The following SCN8A variants were observed in gnomAD, a reference collection of about 807,000 sequenced individuals.
SCN8A encodes the protein sodium channel protein type 8 subunit alpha.
SCN8A carries 30 observed loss-of-function variants against 184.1 expected under a neutral mutation model. The ratio of observed to expected loss-of-function variants is 0.16; its 90% CI spans 0.12 to 0.22. The LOEUF (loss-of-function observed/expected upper bound fraction) is 0.22, where lower values mean the gene tolerates loss of function less well. Ranked by LOEUF, SCN8A falls within the 10% of genes least tolerant of loss-of-function variation. The probability of loss-of-function intolerance (pLI) is 1.00; values close to 1 mark genes in which losing one functional copy is unlikely to be tolerated. For synonymous variants in SCN8A, 852 were observed against 907.0 expected, an observed-to-expected ratio of 0.94 and a Z score of 1.09; for missense variants, 1,057 against 2,498.9, an observed-to-expected ratio of 0.42 and a Z score of 12.30.
chr12:51,705,332 C>T (rs1052485542), intron 9 of SCN8A, 85 bp from the exon 10 acceptor site: 2 of 1,273,938 alleles, frequency 1.6e-6, no homozygotes, highest in African/African-American at 1.5e-5. Flanking sequence ...AAATAGTGCC[C>T]TTACAGAGGA....
chr12:51,632,331 A>G (rs527240240), intron 1 of SCN8A, among the ~76,000 whole-genome samples: 1 of 152,348 alleles, frequency 6.6e-6, no homozygotes, highest in East Asian at 1.9e-4. Context: ...AGTTTATAGA[A>G]TAAGTAGTCT....
At chr12:51,756,642 G>A (rs1003649168) in intron 14 of SCN8A, among the ~76,000 whole-genome samples, 2 of 152,206 alleles carry the variant, frequency 1.3e-5, no homozygotes, top group South Asian at 2.1e-4. Flanking sequence ...TGCCCAAAGC[G>A]GATGCCTCTC....
intron 14 of SCN8A, among the ~76,000 whole-genome samples, chr12:51,756,504 A>G (rs1439379663): frequency 2.0e-5 from 3 of 151,934 alleles, no homozygotes; most frequent in African/African-American, 7.3e-5. Context: ...ACCTTACTTA[A>G]GCTCTGACTC....
chr12:51,769,103 A>G lies in SCN8A; in HGVS notation c.3140A>G (p.Asn1047Ser), dbSNP rs762469719. 2.7e-5 allele frequency: 43 copies of G among 1,613,620 alleles called. No individual in the cohort carries two copies. In the East Asian group the frequency reaches 3.8e-4, roughly 14 times the overall value. The change falls in exon 17 of 27, where the codon AAT becomes AGT. Residue 1047 changes from asparagine to serine, a missense_variant. By Grantham distance (46) the Asn-to-Ser change is conservative. This residue lies in a region of SCN8A where 178 missense variants were observed against 259.6 expected (regional missense o/e 0.69). Coordinates refer to ENST00000627620, the MANE Select transcript of SCN8A (RefSeq NM_001330260.2). ...GAAAAGAAGGCCAACTGTATCGCCA[A>G]TCACACCGGTGCAGACATCCACCGG... Reference protein sequence around the residue: ...LYEKKANCIANHTGADIHRNG... With the variant: ...LYEKKANCIASHTGADIHRNG...
At chr12:51,650,828 T>A (rs1266187126) in intron 1 of SCN8A, among the ~76,000 whole-genome samples, 2 of 152,024 alleles carry the variant, frequency 1.3e-5, no homozygotes, top group Admixed American at 6.6e-5. Context: ...CACAGAAATA[T>A]AGAAGTGTGA....
At chr12:51,663,230 A>T in intron 2 of SCN8A, 137 bp downstream of exon 2, 1 of 1,009,632 alleles carries the variant, frequency 9.9e-7, no homozygotes, top group Non-Finnish European at 1.5e-6. Context: ...GCTTGTGGGG[A>T]TTATTTTTCA....
At chr12:51,788,256 A>G (rs1411347328) in intron 22 of SCN8A, among the ~76,000 whole-genome samples, 2 of 133,828 alleles carry the variant, frequency 1.5e-5, no homozygotes, top group South Asian at 2.4e-4. Flanking sequence ...AAATCCAACT[A>G]TGAGTTTTTC....
At chr12:51,609,584 C>A (rs1473476987) in intron 1 of SCN8A, among the ~76,000 whole-genome samples, 3 of 152,060 alleles carry the variant, frequency 2.0e-5, no homozygotes, top group African/African-American at 7.3e-5. Context: ...TTTGTTTTGT[C>A]TGATATAAGA....
At chr12:51,652,372 A>T (rs1940735074) in intron 1 of SCN8A, among the ~76,000 whole-genome samples, 1 of 151,414 alleles carries the variant, frequency 6.6e-6, no homozygotes, top group Non-Finnish European at 1.5e-5. Flanking sequence ...GGTCTTCCTC[A>T]CTCTGATCTT....
In SCN8A at chr12:51,751,615, C is replaced by T. The variant is rs191442852; in HGVS notation, c.2370+22C>T. The T allele has an allele frequency of 3.0e-4, 460 of 1,533,130 alleles. 1 individual carries two copies. The African/African-American group carries it at 5.8e-3, about 19-fold the overall frequency. The allele number at this position is 1,533,130 out of a possible 1,614,324, so 95.0% of individuals were successfully genotyped here. ...TCTGGTAAGATGGAACACTGTCTCC[C>T]GATATTAGGATTGGAATGTGTTTTG... On this transcript the variant is annotated intron_variant, in intron 14 of 26. Transcript: ENST00000627620.
chr12:51,686,649 G>A (rs1023428043), intron 4 of SCN8A, among the ~76,000 whole-genome samples, 192 bp downstream of exon 4: 2 of 152,116 alleles, frequency 1.3e-5, no homozygotes, highest in Non-Finnish European at 2.9e-5. Context: ...AGAAATTACT[G>A]CCCTTCACTC....
Position 51,601,855 on chromosome 12 carries a change from GTTTT to G in SCN8A, c.-55+10518_-55+10521del, listed in dbSNP as rs938674707. On this transcript the variant is annotated intron_variant, in intron 1 of 26. Transcript: ENST00000627620. ...GCCAAGGGTGGTGCTCAGAGAAAGG[GTTTT>G]TTTTTTTTTTTTTTTTTTTTTAAGA... Among the ~76,000 whole-genome samples, 380 of 109,756 alleles carry G rather than the reference GTTTT, an allele frequency of 3.5e-3. 2 individuals carry two copies. The highest frequency in any genetic ancestry group is 0.013 in the African/African-American group (357 of 27,556). 72.0% of individuals were successfully genotyped at this position (109,756 alleles called of 152,430 possible).
intron 25 of SCN8A, among the ~76,000 whole-genome samples, chr12:51,791,585 G>A (rs574807267): frequency 6.6e-6 from 1 of 152,220 alleles, no homozygotes; most frequent in East Asian, 1.9e-4. Context: ...GGGACTAAAG[G>A]GAATAGAAAA....
At chr12:51,591,548 C>T (rs1444481592) in intron 1 of SCN8A, among the ~76,000 whole-genome samples, 189 bp downstream of exon 1, 1 of 152,150 alleles carries the variant, frequency 6.6e-6, no homozygotes, top group Non-Finnish European at 1.5e-5. Context: ...GTTTGGAACT[C>T]TTGCTTCCTT....
At chr12:51,701,716 G>A (rs750369069) in intron 8 of SCN8A, among the ~76,000 whole-genome samples, 1 of 152,096 alleles carries the variant, frequency 6.6e-6, no homozygotes, top group Non-Finnish European at 1.5e-5. Context: ...TATTTAATAA[G>A]CCATGCTCTC....
intron 21 of SCN8A, among the ~76,000 whole-genome samples, chr12:51,781,883 C>T (rs1003262669): frequency 2.6e-5 from 4 of 152,226 alleles, no homozygotes; most frequent in African/African-American, 4.8e-5. Context: ...TAAACTGTTA[C>T]GATAGTCTAC....
At chr12:51,751,289 G>T in intron 13 of SCN8A, 66 bp from the exon 14 acceptor site, 2 of 997,614 alleles carry the variant, frequency 2.0e-6, no homozygotes, top group South Asian at 1.4e-5. Flanking sequence ...GACTGAGAGT[G>T]AGTAGTGTGT....
intron 1 of SCN8A, among the ~76,000 whole-genome samples, chr12:51,640,112 T>G (rs922156482): frequency 6.8e-6 from 1 of 147,996 alleles, no homozygotes; most frequent in Non-Finnish European, 1.5e-5. Flanking sequence ...AGGATCTCAC[T>G]GTTGCCCAGG....
intron 1 of SCN8A, among the ~76,000 whole-genome samples, chr12:51,599,848 G>A (rs2138555188): frequency 1.3e-5 from 2 of 152,290 alleles, no homozygotes; most frequent in South Asian, 4.1e-4. Flanking sequence ...TTTTTCTAAT[G>A]TTAGAAATAG....
Sources: allele counts gnomAD v4.1 joint callset (sites outside exome capture counted in the v4.1 genomes callset), GRCh38; gene constraint gnomAD v4.1.1; regional missense constraint gnomAD v4.1.1; transcripts MANE v1.5; gene names NCBI Gene and HGNC (gene_info 2026-07-23, HGNC 2026-07-21).